The following NBEA variants were observed in gnomAD, a reference collection of about 807,000 sequenced individuals.
NBEA encodes neurobeachin.
Under a neutral mutation model 343.4 loss-of-function variants are expected in NBEA, and 44 were observed. That is an observed-to-expected ratio of 0.13 (90% confidence interval 0.10 to 0.16). The LOEUF is 0.16. NBEA is among the 10% of genes least tolerant of loss of function. NBEA has a pLI of 1.00. For missense variants in NBEA, 2,555 were observed against 3,631.3 expected, an observed-to-expected ratio of 0.70 and a Z score of 7.62; for synonymous variants, 1,175 against 1,238.7, an observed-to-expected ratio of 0.95 and a Z score of 1.08.
intron 38 of NBEA, among the ~76,000 whole-genome samples, chr13:35,374,559 G>A (rs1385243233): frequency 6.6e-6 from 1 of 152,062 alleles, no homozygotes; most frequent in African/African-American, 2.4e-5. Flanking sequence ...GTAGAACAAG[G>A]TGTGTTGTAC....
rs555753157 is a variant in NBEA, at chr13:35,304,357, G to A, written c.5839-5171G>A. Among the ~76,000 whole-genome samples, 472 of 151,062 alleles carry A rather than the reference G, an allele frequency of 3.1e-3. 2 individuals are homozygous for A. The highest frequency in any genetic ancestry group is 9.5e-3 in the African/African-American group (385 of 40,724). On this transcript the variant is annotated intron_variant, in intron 35 of 58. Coordinates refer to ENST00000379939, the MANE Select transcript of NBEA (RefSeq NM_001385012.1). ...TGTGTGTGTGTGTGTGTGTGTGTGT[G>A]TATATCTGTGTGTGTGTGACGGAGT...
At chr13:35,087,485 C>T (rs2152620224) in intron 10 of NBEA, among the ~76,000 whole-genome samples, 1 of 151,930 alleles carries the variant, frequency 6.6e-6, no homozygotes, top group East Asian at 1.9e-4. Context: ...CATCATCATA[C>T]AGCTTTTGGT....
At chr13:35,251,019 TGGAA>T in intron 34 of NBEA, 1 of 155,368 alleles carries the variant, frequency 6.4e-6, no homozygotes, top group Non-Finnish European at 1.4e-5. Context: ...GACATCAGAA[TGGAA>T]GCAGGTGTAA....
chr13:35,545,834 A>C (rs2079035185), intron 41 of NBEA, among the ~76,000 whole-genome samples: 1 of 152,200 alleles, frequency 6.6e-6, no homozygotes, highest in African/African-American at 2.4e-5. Flanking sequence ...AAGAGAAACC[A>C]GCTGTATTTA....
chr13:34,983,347 A>G (rs2060427263), intron 1 of NBEA, among the ~76,000 whole-genome samples: 1 of 152,200 alleles, frequency 6.6e-6, no homozygotes, highest in Non-Finnish European at 1.5e-5. Context: ...TGCAAAGGAC[A>G]TGAACTCATC....
chr13:35,575,492 T>C (rs935416435), intron 45 of NBEA, among the ~76,000 whole-genome samples: 1 of 152,152 alleles, frequency 6.6e-6, no homozygotes, highest in Non-Finnish European at 1.5e-5. Flanking sequence ...CTATGAAAAT[T>C]TTTAAGCAAA....
In NBEA at chr13:35,013,272, T is replaced by C. The variant is rs538140810; in HGVS notation, c.295-27661T>C. Among the ~76,000 whole-genome samples the C allele has an allele frequency of 6.4e-4, 97 of 152,270 alleles. 1 individual carries two copies. The highest frequency in any genetic ancestry group is 1.3e-3 in the African/African-American group (55 of 41,566). On this transcript the variant is annotated intron_variant, in intron 1 of 58. Transcript: ENST00000379939. Reference sequence around the variant, plus strand: ...GTATATAACCCAACCCTGAGAGATATATCTAGCCCCCACCCCTAGAAACTT... The same window carrying C: ...GTATATAACCCAACCCTGAGAGATACATCTAGCCCCCACCCCTAGAAACTT...
intron 34 of NBEA, among the ~76,000 whole-genome samples, chr13:35,247,389 C>T (rs976842280): frequency 2.0e-5 from 3 of 152,168 alleles, no homozygotes; most frequent in Non-Finnish European, 4.4e-5. Flanking sequence ...TGGCAGCCCT[C>T]CCCAAAGACC....
intron 36 of NBEA, among the ~76,000 whole-genome samples, chr13:35,314,192 G>A (rs2254652): frequency 0.83 from 125,944 of 151,972 alleles, 52,388 homozygotes; most frequent in South Asian, 0.92. Flanking sequence ...AGAATAAAAG[G>A]AATTGGGAGA....
intron 10 of NBEA, among the ~76,000 whole-genome samples, chr13:35,095,906 C>A (rs1214232098): frequency 6.6e-6 from 1 of 151,898 alleles, no homozygotes; most frequent in Non-Finnish European, 1.5e-5. Context: ...AGATCCTCTG[C>A]AGATGAACTG....
At chr13:35,518,638 G>C (rs1305444832) in intron 41 of NBEA, among the ~76,000 whole-genome samples, 1 of 152,120 alleles carries the variant, frequency 6.6e-6, no homozygotes, top group Non-Finnish European at 1.5e-5. Flanking sequence ...GTTAAACTTA[G>C]GGAAAGCATA....
intron 1 of NBEA, among the ~76,000 whole-genome samples, chr13:34,976,159 A>C (rs548180945): frequency 6.6e-6 from 1 of 152,358 alleles, no homozygotes; most frequent in Non-Finnish European, 1.5e-5. Context: ...AATTGCAAAA[A>C]TATGGAATCC....
At chr13:35,544,845 A>G (rs1346614605) in intron 41 of NBEA, among the ~76,000 whole-genome samples, 1 of 152,208 alleles carries the variant, frequency 6.6e-6, no homozygotes, top group Non-Finnish European at 1.5e-5. Flanking sequence ...TGTATGATGT[A>G]TCAAAAATTA....
intron 58 of NBEA, among the ~76,000 whole-genome samples, chr13:35,668,981 C>A (rs530868961): frequency 6.6e-6 from 1 of 152,214 alleles, no homozygotes; most frequent in Non-Finnish European, 1.5e-5. Context: ...GCGGCACTCA[C>A]GCATTACCCA....
intron 34 of NBEA, among the ~76,000 whole-genome samples, chr13:35,248,876 G>A (rs750257484): frequency 9.2e-5 from 14 of 152,264 alleles, no homozygotes; most frequent in African/African-American, 2.6e-4. Context: ...ATGGCCGAGC[G>A]TGGTAGCTCA....
chr13:35,355,114 T>G (rs1325331089), intron 38 of NBEA, among the ~76,000 whole-genome samples: 2 of 152,272 alleles, frequency 1.3e-5, no homozygotes, highest in East Asian at 3.9e-4. Flanking sequence ...ACAAAATATA[T>G]CCAGCTTCGA....
chr13:35,185,551 A>G (rs1280412965), intron 30 of NBEA: 1 of 152,166 alleles, frequency 6.6e-6, no homozygotes, highest in African/African-American at 2.4e-5. Context: ...ATTGTCAGCA[A>G]ACATCACCTG....
At chr13:35,403,198 ATTAC>A (rs528249026) in intron 38 of NBEA, among the ~76,000 whole-genome samples, 5,285 of 152,012 alleles carry the variant, frequency 0.035, 135 homozygotes, top group Non-Finnish European at 0.053. Context: ...ATTAAAATAA[ATTAC>A]TTAAAATTGT....
intron 38 of NBEA, among the ~76,000 whole-genome samples, chr13:35,372,181 G>T (rs1205218773): frequency 6.6e-6 from 1 of 152,188 alleles, no homozygotes; most frequent in African/African-American, 2.4e-5. Flanking sequence ...CTGGGCAGTG[G>T]GCGTGGTATG....
Sources: gnomAD v4.1 joint callset for allele counts (sites outside exome capture counted in the v4.1 genomes callset) on GRCh38, gnomAD v4.1.1 for gene constraint, MANE v1.5 for transcripts, NCBI Gene and HGNC (gene_info 2026-07-23, HGNC 2026-07-21) for gene names.